The following SLC6A7 variants were observed in gnomAD, a reference collection of about 807,000 sequenced individuals.
SLC6A7 encodes solute carrier family 6 member 7.
In SLC6A7, 58 loss-of-function variants were observed where a neutral mutation model predicts 73.1. The observed-to-expected ratio is 0.79, with a 90% CI of 0.64 to 0.99. The LOEUF is 0.99. Among genes scored for constraint, SLC6A7 ranks in the 50% least tolerant of loss-of-function variants. SLC6A7 has a pLI of 0.00. For synonymous variants in SLC6A7, 338 were observed against 338.7 expected, an observed-to-expected ratio of 1.00 and a Z score of 0.02; for missense variants, 783 against 831.4, an observed-to-expected ratio of 0.94 and a Z score of 0.72.
chr5:150,200,972 G>C, intron 5 of SLC6A7, 117 bp from the exon 6 acceptor site: 1 of 1,025,986 alleles, frequency 9.7e-7, no homozygotes, highest in Non-Finnish European at 1.5e-6. Context: ...GATGAAGGCC[G>C]GTTCCTGGCT....
chr5:150,205,316 G>A, intron 12 of SLC6A7, 140 bp from the exon 13 acceptor site: 1 of 642,772 alleles, frequency 1.6e-6, no homozygotes, highest in South Asian at 2.1e-5. Context: ...GCCCACTTCA[G>A]GGTTCGGTAC....
rs763019254 is a variant in SLC6A7, at chr5:150,209,436, G to A, written c.1732G>A (p.Asp578Asn). 112 of 1,613,806 alleles carry A rather than the reference G, an allele frequency of 6.9e-5. 1 individual carries two copies. In the South Asian group the frequency reaches 9.7e-4, roughly 14 times the overall value. ...CCAACAGGCCAGCCGGCCGGCCATG[G>A]ACTGGGGACCATCGCTGGAGGAGAA... is the stretch of plus-strand genomic sequence containing the variant. ...RLQQASRPAM[D>N]WGPSLEENRT... The change falls in exon 14 of 14, where the codon GAC (aspartate) becomes AAC (asparagine). Residue 578 changes from aspartate (D) to asparagine (N), a missense_variant. Transcript: ENST00000230671.
In SLC6A7 at chr5:150,197,109, C is replaced by T. The variant is rs767456458; in HGVS notation, c.417C>T (p.Tyr139=). ...TCTACTACAACATGATCATCGCCTACGTGCTCTTCTACCTCTTCGCCTCCC... is the reference window on the plus strand; with the variant it reads ...TCTACTACAACATGATCATCGCCTATGTGCTCTTCTACCTCTTCGCCTCCC... ...VAIYYNMIIA[Y]VLFYLFASLT... Residue 139 remains tyrosine (Y), a synonymous_variant, in exon 4 of 14, where the codon TAC becomes TAT. Coordinates refer to ENST00000230671, the MANE Select transcript of SLC6A7 (RefSeq NM_014228.5). 1.4e-5 allele frequency: 22 copies of T among 1,614,032 alleles called. No homozygotes were observed. The Admixed American group carries it at 2.8e-4, about 21-fold the overall frequency.
intron 4 of SLC6A7, among the ~76,000 whole-genome samples, chr5:150,198,811 GGTGTGTGTGTGTGTGTGTGTGTGTGTGT>G (rs774414750): frequency 1.0e-3 from 113 of 112,098 alleles, no homozygotes; most frequent in African/African-American, 3.3e-3. Flanking sequence ...GGCCCTGGAT[GGTGTGTGTGTGTGTGTGTGTGTGTGTGT>G]GTGTGTGTGT....
intron 13 of SLC6A7, among the ~76,000 whole-genome samples, chr5:150,207,510 G>C (rs1035702028): frequency 1.3e-5 from 2 of 152,178 alleles, no homozygotes; most frequent in African/African-American, 4.8e-5. Context: ...CCAAAGTGCT[G>C]GGATTAAGTG....
chr5:150,205,489 C>T lies in SLC6A7; in HGVS notation c.1567C>T (p.Pro523Ser). 2.5e-6 allele frequency: 4 copies of T among 1,612,122 alleles called. No individual in the cohort carries two copies. In the South Asian group the frequency reaches 3.3e-5, roughly 13 times the overall value. The change falls in exon 13 of 14, where the codon CCC (proline) becomes TCC (serine). Residue 523 changes from proline (P) to serine (S), a missense_variant. By Grantham distance (74) the Pro-to-Ser change is moderately conservative. Transcript: ENST00000230671. ...GGTGTATAGCATCGTCAAGTACCAG[C>T]CCTCGGAGTATGGCAGTTACCGCTT... is the stretch of plus-strand genomic sequence containing the variant. ...LMVYSIVKYQ[P>S]SEYGSYRFPP...
At chr5:150,198,022 A>G (rs1753124405) in intron 4 of SLC6A7, among the ~76,000 whole-genome samples, 1 of 150,982 alleles carries the variant, frequency 6.6e-6, no homozygotes, top group Non-Finnish European at 1.5e-5. Flanking sequence ...AAGCCTTGTC[A>G]CTGCATTCTG....
At chr5:150,205,999 G>A (rs1227574579) in intron 13 of SLC6A7, among the ~76,000 whole-genome samples, 1 of 152,146 alleles carries the variant, frequency 6.6e-6, no homozygotes, top group Non-Finnish European at 1.5e-5. Flanking sequence ...CTACTCCCGT[G>A]CCCAGGAGTC....
intron 1 of SLC6A7, among the ~76,000 whole-genome samples, chr5:150,192,185 T>G (rs1303755446): frequency 6.6e-6 from 1 of 152,082 alleles, no homozygotes; most frequent in Non-Finnish European, 1.5e-5. Flanking sequence ...GGGATCTAGG[T>G]CCAAGTCTTG....
intron 1 of SLC6A7, 102 bp downstream of exon 1, chr5:150,190,462 C>T (rs1752724592): frequency 3.9e-6 from 3 of 767,536 alleles, no homozygotes; most frequent in Non-Finnish European, 5.9e-6. Flanking sequence ...TGCACCCAGA[C>T]CAGCTTCGGG....
At chr5:150,204,154 G>A (rs1340828337) in intron 10 of SLC6A7, 116 bp downstream of exon 10, 105 of 1,052,844 alleles carry the variant, frequency 1.0e-4, no homozygotes, top group Non-Finnish European at 2.7e-6. Context: ...TCTTTGCAAG[G>A]AACCCAGTCC....
At chr5:150,200,937 G>A in intron 5 of SLC6A7, 152 bp from the exon 6 acceptor site, 1 of 708,402 alleles carries the variant, frequency 1.4e-6, no homozygotes, top group Non-Finnish European at 2.4e-6. Flanking sequence ...TGCTGGGTGT[G>A]TGAAGGGAGG....
At chr5:150,208,872 G>C (rs1052062748) in intron 13 of SLC6A7, among the ~76,000 whole-genome samples, 10 of 152,204 alleles carry the variant, frequency 6.6e-5, no homozygotes, top group Admixed American at 6.5e-4. Flanking sequence ...AAGGAGGCAG[G>C]TCGGGGCTGG....
Position 150,190,213 on chromosome 5 carries a change from C to G in SLC6A7, c.-115C>G, listed in dbSNP as rs1398197973. ...CGGCAGCGCCTGCGTCCGTGCCCGC[C>G]CCAGCCGGTGCGCGGGAGCCGCGGG... On this transcript the variant is annotated 5_prime_UTR_variant, in exon 1 of 14. Transcript: ENST00000230671. The G allele has an allele frequency of 1.1e-6, 1 of 895,064 alleles. No individual in the cohort carries two copies. The highest frequency in any genetic ancestry group is 1.8e-5 in the African/African-American group (1 of 55,782). The allele number at this position is 895,064 out of a possible 1,614,324, so 55.4% of individuals were successfully genotyped here. A position where few individuals can be genotyped will look rare whatever the true frequency, so the allele number is the denominator to read the frequency against.
At chr5:150,198,071 G>GA in intron 4 of SLC6A7, among the ~76,000 whole-genome samples, 1 of 90,242 alleles carries the variant, frequency 1.1e-5, no homozygotes, top group Admixed American at 9.6e-5. Flanking sequence ...AAGAAAGAAA[G>GA]AAAGAAAGAA....
chr5:150,195,683 C>A lies in SLC6A7; in HGVS notation c.217+772C>A, dbSNP rs142100122. On this transcript the variant is annotated intron_variant, in intron 2 of 13. Transcript: ENST00000230671. The stretch of plus-strand genomic sequence containing the variant: ...AGTGTGCTCTCACCAGTACTCGTAT[C>A]TCCTTCTGTCTCTAGCAAACTCTGA... Among the ~76,000 whole-genome samples the A allele has an allele frequency of 1.5e-3, 223 of 152,348 alleles. 4 individuals carry two copies. The South Asian group carries it at 0.03, about 20-fold the overall frequency.
At chr5:150,206,292 T>C (rs143726244) in intron 13 of SLC6A7, among the ~76,000 whole-genome samples, 1,887 of 152,286 alleles carry the variant, frequency 0.012, 39 homozygotes, top group African/African-American at 0.042. Flanking sequence ...GTGAGCCCGA[T>C]GGATGGCATC....
intron 8 of SLC6A7, among the ~76,000 whole-genome samples, chr5:150,202,939 G>A (rs1753468269): frequency 6.6e-6 from 1 of 152,164 alleles, no homozygotes; most frequent in South Asian, 2.1e-4. Flanking sequence ...GCCGGGCGTG[G>A]TGGCACATGC....
Position 150,205,603 on chromosome 5 carries a change from G to A in SLC6A7, c.1681G>A (p.Glu561Lys), listed in dbSNP as rs201949941. 1.2e-5 allele frequency: 19 copies of A among 1,611,680 alleles called. No individual in the cohort carries two copies. The highest frequency in any genetic ancestry group is 1.6e-5 in the Non-Finnish European group (19 of 1,178,928). Residue 561 changes from glutamate to lysine, a missense_variant, in exon 13 of 14, where the codon GAA becomes AAA. Coordinates refer to ENST00000230671, the MANE Select transcript of SLC6A7 (RefSeq NM_014228.5). ...PAGMLVAVLR[E>K]EGSLWERLQQ... ...TGGCATGCTGGTGGCTGTGCTTCGA[G>A]AAGAGGGCTCACTCTGGGAGGTGAG...
Sources: gnomAD v4.1 joint callset for allele counts (sites outside exome capture counted in the v4.1 genomes callset) on GRCh38, gnomAD v4.1.1 for gene constraint, MANE v1.5 for transcripts, NCBI Gene and HGNC (gene_info 2026-07-23, HGNC 2026-07-21) for gene names.